Variants in HERC1 observed in about 807,000 individuals in gnomAD.
The protein encoded by HERC1 is HECT and RLD domain containing E3 ubiquitin protein ligase family member 1.
Under a neutral mutation model 554.3 loss-of-function variants are expected in HERC1, and 160 were observed. The observed-to-expected ratio is 0.29, with a 90% CI of 0.25 to 0.33. The LOEUF (loss-of-function observed/expected upper bound fraction) is 0.33, where lower values mean the gene tolerates loss of function less well. HERC1 is among the 10% of genes least tolerant of loss of function. The pLI is 1.00. For missense variants in HERC1, 4,919 were observed against 5,918.5 expected (o/e 0.83, Z 5.54); for synonymous variants, 2,175 against 2,131.7 (o/e 1.02, Z -0.56).
chr15:63,656,605 A>C lies in HERC1; in HGVS notation c.9600-247T>G, dbSNP rs75593412. Among the ~76,000 whole-genome samples the C allele has an allele frequency of 8.5e-3, 1,290 of 152,328 alleles. 11 individuals carry two copies. Among genetic ancestry groups the C allele is most frequent in the Non-Finnish European group, 0.014 (942 of 68,034 alleles). ...AATTGAACTGACAAAGTAAAACAGG[A>C]ATGTTCACAAAGCATAAATTTTCAT... On this transcript the variant is annotated intron_variant, in intron 48 of 77. Coordinates refer to ENST00000443617, the MANE Select transcript of HERC1 (RefSeq NM_003922.4).
At chr15:63,681,049 T>A (rs2071450267) in intron 34 of HERC1, among the ~76,000 whole-genome samples, 1 of 152,210 alleles carries the variant, frequency 6.6e-6, no homozygotes, top group African/African-American at 2.4e-5. Flanking sequence ...ATAATGAAGC[T>A]GAGGAAGTAT....
At chr15:63,783,655 T>C (rs2076351420) in intron 1 of HERC1, among the ~76,000 whole-genome samples, 1 of 152,298 alleles carries the variant, frequency 6.6e-6, no homozygotes, top group South Asian at 2.1e-4. Flanking sequence ...ATGCCAGTAC[T>C]TGACAAATAA....
chr15:63,821,826 T>C (rs904503737), intron 1 of HERC1, among the ~76,000 whole-genome samples: 11 of 151,784 alleles, frequency 7.2e-5, no homozygotes, highest in Middle Eastern at 3.4e-3. Context: ...TACCACATGC[T>C]AGGGACTTTT....
At position 63,654,269 on chromosome 15, in the gene HERC1, G is replaced by A. The variant is rs1197019066; in HGVS notation, c.10140C>T (p.Ser3380=). The part of the protein sequence containing the change: ...LAACCLSSRL[S]SQHRQWAAQQ... ...GAGCTGCCCATTGCCGATGCTGTGA[G>A]GACAGCCTGGAGGAGAGGCAGCAGG... is the stretch of plus-strand genomic sequence containing the variant. Residue 3380 remains serine, a synonymous_variant, in exon 51 of 78, where the codon TCC becomes TCT. Transcript: ENST00000443617. 5.0e-6 allele frequency: 8 copies of A among 1,613,996 alleles called. No individual in the cohort carries two copies. Among genetic ancestry groups the A allele is most frequent in the South Asian group, 1.1e-5 (1 of 91,082 alleles).
In HERC1 at chr15:63,643,551, C is replaced by T; in HGVS notation, c.11185-1G>A. On this transcript the variant is annotated splice_acceptor_variant, in intron 57 of 77. Coordinates refer to ENST00000443617, the MANE Select transcript of HERC1 (RefSeq NM_003922.4). LOFTEE classifies it high-confidence loss of function. ...CTCCTGATGATTTCCTATATCCATC[C>T]TGAAATTCATTATTTTTAACATGCA... 1 of 1,566,488 alleles carries T rather than the reference C, an allele frequency of 6.4e-7. No homozygotes were observed. The highest frequency in any genetic ancestry group is 8.7e-7 in the Non-Finnish European group (1 of 1,155,110).
In HERC1 at chr15:63,612,183, G is replaced by T; in HGVS notation, c.14400+68C>A. The T allele has an allele frequency of 7.1e-7, 1 of 1,401,520 alleles. No homozygotes were observed. Among genetic ancestry groups the T allele is most frequent in the Admixed American group, 2.2e-5 (1 of 45,814 alleles). 86.8% of individuals were successfully genotyped at this position (1,401,520 alleles called of 1,614,324 possible). On this transcript the variant is annotated intron_variant, in intron 77 of 77. Coordinates refer to ENST00000443617, the MANE Select transcript of HERC1 (RefSeq NM_003922.4). This position sits in a 1 kb window ranked among gnomAD's most constrained non-coding sequence, Gnocchi z 5.0. ...AGCCTGGGCCACAGAGTGAGACCCT[G>T]TCTCAACAAAAACAACAATGAAGCA...
chr15:63,759,651 A>T (rs1052095526), intron 3 of HERC1, among the ~76,000 whole-genome samples: 1 of 152,234 alleles, frequency 6.6e-6, no homozygotes, highest in Non-Finnish European at 1.5e-5. Flanking sequence ...ATAGATTTTT[A>T]AATTGACTTG....
chr15:63,677,782 A>C lies in HERC1; in HGVS notation c.7070+63T>G. On this transcript the variant is annotated intron_variant, in intron 37 of 77. Coordinates refer to ENST00000443617, the MANE Select transcript of HERC1 (RefSeq NM_003922.4). The surrounding 1 kb of genome is among the most constrained non-coding windows in gnomAD (Gnocchi z 4.4). ...AAATACATAATTACTCACTGTCGAC[A>C]GGCAATGGCCTATTTCACCATTAAA... The C allele has an allele frequency of 6.5e-7, 1 of 1,543,252 alleles. No individual in the cohort carries two copies. Among genetic ancestry groups the C allele is most frequent in the Non-Finnish European group, 8.7e-7 (1 of 1,144,380 alleles).
At position 63,640,392 on chromosome 15, in the gene HERC1, C is replaced by T; in HGVS notation, c.11661G>A (p.Leu3887=). The change falls in exon 61 of 78, where the codon TTG becomes TTA. Residue 3887 remains leucine, a synonymous_variant. Transcript: ENST00000443617. ...GATGAAGTCCCACAGCAAGGGAAGC[C>T]AAGCATTGCATATAGGGGCTATGAA... ...QLVHSPYMQC[L]ASLAVGLHLD... is the part of the protein sequence containing the mutation. The T allele has an allele frequency of 6.2e-7, 1 of 1,613,796 alleles. No individual in the cohort carries two copies.
At position 63,725,186 on chromosome 15, in the gene HERC1, T is replaced by A. The variant is rs1202614497; in HGVS notation, c.3568+106A>T. 3 of 942,258 alleles carry A rather than the reference T, an allele frequency of 3.2e-6. No homozygotes were observed. The East Asian group carries it at 7.9e-5, about 25-fold the overall frequency. The allele number at this position is 942,258 out of a possible 1,614,324, so 58.4% of individuals were successfully genotyped here. A position where few individuals can be genotyped will look rare whatever the true frequency, so the allele number is the denominator to read the frequency against. Reference sequence around the variant, plus strand: ...CCCAGATTCCCTACACTGCTAATGTTGCAATTGGTGCCTGTCAGTTCTCTA... The same window carrying A: ...CCCAGATTCCCTACACTGCTAATGTAGCAATTGGTGCCTGTCAGTTCTCTA... On this transcript the variant is annotated intron_variant, in intron 18 of 77. Transcript: ENST00000443617.
intron 1 of HERC1, among the ~76,000 whole-genome samples, chr15:63,788,079 GAATAGCTAC>G (rs999341807): frequency 6.6e-6 from 1 of 151,686 alleles, no homozygotes; most frequent in Non-Finnish European, 1.5e-5. Flanking sequence ...AAGTAGATCA[GAATAGCTAC>G]AATACATAAA....
intron 55 of HERC1, among the ~76,000 whole-genome samples, chr15:63,647,331 T>C (rs1435710273): frequency 6.6e-6 from 1 of 150,752 alleles, no homozygotes; most frequent in Admixed American, 6.6e-5. Flanking sequence ...ATGGTTATTA[T>C]TAAAAAGACA....
At chr15:63,730,946 T>G (rs976315908) in intron 14 of HERC1, among the ~76,000 whole-genome samples, 3 of 152,198 alleles carry the variant, frequency 2.0e-5, no homozygotes, top group African/African-American at 7.2e-5. Flanking sequence ...AAACAACTAC[T>G]CAAAGAAAGT....
chr15:63,793,901 C>T (rs1450253613), intron 1 of HERC1, among the ~76,000 whole-genome samples: 3 of 152,098 alleles, frequency 2.0e-5, no homozygotes, highest in Non-Finnish European at 4.4e-5. Context: ...CATTCTAAGC[C>T]ACAGGATGAG....
At chr15:63,787,598 G>C (rs6494432) in intron 1 of HERC1, among the ~76,000 whole-genome samples, 39,598 of 152,000 alleles carry the variant, frequency 0.26, 5,683 homozygotes, top group Middle Eastern at 0.38. Flanking sequence ...GAATGACTTT[G>C]ATGGGTCAAA....
intron 74 of HERC1, among the ~76,000 whole-genome samples, chr15:63,620,257 T>C (rs1377251095): frequency 5.3e-5 from 8 of 152,232 alleles, no homozygotes; most frequent in Non-Finnish European, 8.8e-5. Flanking sequence ...ATGTACCCAG[T>C]AGTCATTCAG....
chr15:63,749,441 T>C lies in HERC1; in HGVS notation c.2145A>G (p.Leu715=), dbSNP rs1183860212. The change falls in exon 10 of 78, where the codon TTA becomes TTG. Residue 715 remains leucine (L), a synonymous_variant. Transcript: ENST00000443617. This position sits in a 1 kb window ranked among gnomAD's most constrained non-coding sequence, Gnocchi z 4.1. Reference sequence around the variant, plus strand: ...AAATCTGCTGAATAGCTATGCCATCTAAGCCACTCACTTTCTTTGGTTTAG... The same window carrying C: ...AAATCTGCTGAATAGCTATGCCATCCAAGCCACTCACTTTCTTTGGTTTAG... The part of the protein sequence containing the change: ...PITKPKKVSG[L]DGIAIQQISA... The C allele has an allele frequency of 3.1e-6, 5 of 1,613,786 alleles. No individual in the cohort carries two copies. In the Admixed American group the frequency reaches 8.3e-5, roughly 27 times the overall value.
chr15:63,783,806 A>G (rs1986864), intron 1 of HERC1, among the ~76,000 whole-genome samples: 123,665 of 152,094 alleles, frequency 0.81, 52,080 homozygotes, highest in Non-Finnish European at 0.87. Context: ...AGTGGCTCAC[A>G]CCTGTAATCC....
chr15:63,651,459 G>A (rs907752846), intron 52 of HERC1, 79 bp from the exon 53 acceptor site: 1 of 1,381,234 alleles, frequency 7.2e-7, no homozygotes, highest in Non-Finnish European at 1.0e-6. Flanking sequence ...TAAAATAAGG[G>A]TTTCATATAG....
Sources: allele counts gnomAD v4.1 joint callset (sites outside exome capture counted in the v4.1 genomes callset), GRCh38; gene constraint gnomAD v4.1.1; non-coding constraint Gnocchi (gnomAD v3.1); transcripts MANE v1.5; gene names NCBI Gene and HGNC (gene_info 2026-07-23, HGNC 2026-07-21).